Variants in CFAP97 observed in about 807,000 individuals in gnomAD.
CFAP97 encodes the protein cilia and flagella associated protein 97, also known as cilia- and flagella-associated protein 97.
Under a neutral mutation model 43.1 loss-of-function variants are expected in CFAP97, and 36 were observed. The observed-to-expected ratio is 0.84, with a 90% CI of 0.64 to 1.10. The LOEUF (loss-of-function observed/expected upper bound fraction) is 1.10, where lower values mean the gene tolerates loss of function less well. Among genes scored for constraint, CFAP97 ranks in the 50% least tolerant of loss-of-function variants. The pLI, the probability that CFAP97 is intolerant of heterozygous loss-of-function variation, is 0.00. For synonymous variants in CFAP97, 228 were observed against 225.7 expected, an observed-to-expected ratio of 1.01 and a Z score of -0.09; for missense variants, 657 against 620.3, an observed-to-expected ratio of 1.06 and a Z score of -0.63.
intron 1 of CFAP97, among the ~76,000 whole-genome samples, chr4:185,198,718 G>A (rs561526613): frequency 0.011 from 1,580 of 145,352 alleles, 22 homozygotes; most frequent in African/African-American, 0.034. Context: ...GAAGCCAGGA[G>A]ATGGAGGTTG....
chr4:185,198,650 G>A (rs1025537801), intron 1 of CFAP97, among the ~76,000 whole-genome samples: 10 of 152,004 alleles, frequency 6.6e-5, no homozygotes, highest in Non-Finnish European at 1.0e-4. Flanking sequence ...TTAGCCGGGT[G>A]TGGTGGCGCA....
intron 2 of CFAP97, chr4:185,182,438 G>C (rs887570277): frequency 6.6e-6 from 1 of 152,080 alleles, no homozygotes; most frequent in Non-Finnish European, 1.5e-5. Context: ...TCAGAAATTC[G>C]ACTAATCTTT....
chr4:185,183,253 G>C (rs774480996), intron 2 of CFAP97, among the ~76,000 whole-genome samples: 1 of 152,092 alleles, frequency 6.6e-6, no homozygotes, highest in South Asian at 2.1e-4. Flanking sequence ...CTGGTTTACC[G>C]AACCTCTGTA....
chr4:185,163,990 A>G, intron 4 of CFAP97, 39 bp downstream of exon 4: 1 of 1,569,392 alleles, frequency 6.4e-7, no homozygotes, highest in African/African-American at 1.4e-5. Context: ...AAAGGATACA[A>G]GATACAAATA....
chr4:185,198,128 TGTCTCA>T (rs1238550064), intron 1 of CFAP97, among the ~76,000 whole-genome samples: 1 of 152,134 alleles, frequency 6.6e-6, no homozygotes, highest in East Asian at 1.9e-4. Context: ...TACCTGAGGC[TGTCTCA>T]TAAGGTTTAA....
At chr4:185,208,275 G>A (rs1174556206), upstream of CFAP97, among the ~76,000 whole-genome samples, 1 of 151,816 alleles carries the variant, frequency 6.6e-6, no homozygotes, top group Non-Finnish European at 1.5e-5. Flanking sequence ...CTCAGCCTCC[G>A]AAAGTGTAGG....
At chr4:185,191,924 A>C (rs1472772172) in intron 1 of CFAP97, among the ~76,000 whole-genome samples, 1 of 152,236 alleles carries the variant, frequency 6.6e-6, no homozygotes, top group African/African-American at 2.4e-5. Context: ...TTAAAAAAAA[A>C]CTCATAGTCA....
At chr4:185,164,940 T>C (rs2111313169) in intron 3 of CFAP97, among the ~76,000 whole-genome samples, 1 of 152,330 alleles carries the variant, frequency 6.6e-6, no homozygotes, top group South Asian at 2.1e-4. Context: ...ACCCTGTTCC[T>C]TTGCAGTAGT....
chr4:185,190,239 A>G lies in CFAP97; in HGVS notation c.958T>C (p.Ser320Pro). ...KGKEKHEPDV[S>P]SKSSSVLDSS... is the part of the protein sequence containing the mutation. ...TCTAACACTGAAGACGACTTTGAGG[A>G]GACATCAGGCTCATGTTTTTCTTTC... The change falls in exon 2 of 5, where the codon TCC becomes CCC. Residue 320 changes from serine (S) to proline (P), a missense_variant. Coordinates refer to ENST00000458385, the MANE Select transcript of CFAP97 (RefSeq NM_020827.3). 2.5e-6 allele frequency: 4 copies of G among 1,613,678 alleles called. No individual in the cohort carries two copies. The highest frequency in any genetic ancestry group is 1.1e-5 in the South Asian group (1 of 90,954).
intron 3 of CFAP97, among the ~76,000 whole-genome samples, chr4:185,175,238 TTCTCTC>T (rs10638706): frequency 2.1e-4 from 31 of 149,166 alleles, no homozygotes; most frequent in African/African-American, 5.2e-4. Context: ...AATGGTCTCC[TTCTCTC>T]TCTCTCTCTC....
chr4:185,163,374 T>C (rs1307067990), intron 4 of CFAP97, among the ~76,000 whole-genome samples: 1 of 152,020 alleles, frequency 6.6e-6, no homozygotes, highest in Non-Finnish European at 1.5e-5. Context: ...CGCTGGGAAG[T>C]TGTGGCATCG....
chr4:185,206,653 CTT>C (rs1226524687), upstream of CFAP97, among the ~76,000 whole-genome samples: 1 of 84,578 alleles, frequency 1.2e-5, no homozygotes, highest in African/African-American at 4.5e-5. Flanking sequence ...GAGCGAAACT[CTT>C]GTCTCAAAAA....
At chr4:185,172,462 A>T (rs1434410518) in intron 3 of CFAP97, among the ~76,000 whole-genome samples, 1 of 152,220 alleles carries the variant, frequency 6.6e-6, no homozygotes, top group Non-Finnish European at 1.5e-5. Context: ...ATTTCCATCT[A>T]AATAGCCTCT....
chr4:185,209,608 C>G (rs1369829571), upstream of CFAP97: 4 of 418,968 alleles, frequency 9.5e-6, no homozygotes, highest in East Asian at 3.2e-4. The surrounding 1 kb of genome is among the most constrained non-coding windows in gnomAD (Gnocchi z 5.2). Context: ...AGTCACAACA[C>G]GGTGGGGCTC....
Position 185,190,873 on chromosome 4 carries a change from T to C in CFAP97, c.324A>G (p.Thr108=). The C allele has an allele frequency of 6.2e-7, 1 of 1,612,544 alleles. No individual in the cohort carries two copies. The change falls in exon 2 of 5, where the codon ACA becomes ACG. Residue 108 remains threonine (T), a synonymous_variant. Transcript: ENST00000458385. ...SRSKKLCDVT[T]GLKIHVSIPN... is the part of the protein sequence containing the mutation. ...GAATGGACACGTGTATTTTAAGTCC[T>C]GTTGTAACATCACACAATTTTTTTG...
At chr4:185,203,689 G>T (rs925557181) in intron 1 of CFAP97, 1 of 152,242 alleles carries the variant, frequency 6.6e-6, no homozygotes, top group Non-Finnish European at 1.5e-5. Context: ...TTCTCACAGG[G>T]GACCGGGGTG....
intron 1 of CFAP97, among the ~76,000 whole-genome samples, chr4:185,196,107 T>C (rs552586711): frequency 1.3e-5 from 2 of 152,330 alleles, no homozygotes; most frequent in South Asian, 4.1e-4. Context: ...CAGGTCACAA[T>C]CCAGTTTAAA....
chr4:185,178,163 C>T (rs1379819801), intron 2 of CFAP97, among the ~76,000 whole-genome samples: 2 of 150,438 alleles, frequency 1.3e-5, no homozygotes, highest in East Asian at 1.9e-4. Flanking sequence ...TAGAACAAGG[C>T]TTCTAGATTA....
rs886321399 is a variant in CFAP97 at position 185,160,693 on chromosome 4, T to C, written c.*2105A>G. The C allele has an allele frequency of 4.0e-5, 6 of 151,760 alleles. No homozygotes were observed. The highest frequency in any genetic ancestry group is 1.5e-4 in the African/African-American group (6 of 41,368). 9.4% of individuals were successfully genotyped at this position (151,760 alleles called of 1,614,324 possible). A position where few individuals can be genotyped will look rare whatever the true frequency, so the allele number is the denominator to read the frequency against. On this transcript the variant is annotated 3_prime_UTR_variant, in exon 5 of 5. Coordinates refer to ENST00000458385, the MANE Select transcript of CFAP97 (RefSeq NM_020827.3). ...TTTCAAAGTAGTAAAAACTAAAGCA[T>C]TAAATTAGTACCTAAAATCAAAGTA...
Sources: allele counts gnomAD v4.1 joint callset (sites outside exome capture counted in the v4.1 genomes callset), GRCh38; gene constraint gnomAD v4.1.1; non-coding constraint Gnocchi (gnomAD v3.1); transcripts MANE v1.5; gene names NCBI Gene and HGNC (gene_info 2026-07-23, HGNC 2026-07-21).